SLC16A1: variants seen among roughly 807,000 people sequenced by gnomAD.
SLC16A1 encodes monocarboxylate transporter 1.
A neutral mutation model predicts 32.2 loss-of-function variants in SLC16A1; 11 were observed. The observed-to-expected ratio is 0.34, with a 90% confidence interval of 0.21 to 0.56. The LOEUF (loss-of-function observed/expected upper bound fraction) is 0.56. Among genes scored for constraint, SLC16A1 ranks in the 20% least tolerant of loss-of-function variants. The probability of loss-of-function intolerance (pLI) is 0.87; values close to 1 mark genes in which losing one functional copy is unlikely to be tolerated. For missense variants in SLC16A1, 435 were observed against 615.0 expected, an observed-to-expected ratio of 0.71 and a Z score of 3.10; for synonymous variants, 231 against 226.8, an observed-to-expected ratio of 1.02 and a Z score of -0.17.
At chr1:112,952,577 T>TTTCTCA (rs1649933286) in intron 1 of SLC16A1, among the ~76,000 whole-genome samples, 1 of 152,234 alleles carries the variant, frequency 6.6e-6, no homozygotes, top group Non-Finnish European at 1.5e-5. Flanking sequence ...TCTCGAGAGT[T>TTTCTCA]ATCTTTCAGA....
At chr1:112,922,842 C>G (rs147174380) in intron 2 of SLC16A1, among the ~76,000 whole-genome samples, 1 of 152,174 alleles carries the variant, frequency 6.6e-6, no homozygotes, top group African/African-American at 2.4e-5. Flanking sequence ...TTCAGACACA[C>G]GCAGTGATAG....
chr1:112,918,191 A>C, intron 3 of SLC16A1, 147 bp from the exon 4 acceptor site: 1 of 565,076 alleles, frequency 1.8e-6, no homozygotes, highest in Non-Finnish European at 2.4e-6. Context: ...TGACTTCTAA[A>C]ACAGACATGG....
chr1:112,946,903 A>C (rs939109846), intron 1 of SLC16A1, among the ~76,000 whole-genome samples: 2 of 152,158 alleles, frequency 1.3e-5, no homozygotes, highest in African/African-American at 4.8e-5. Flanking sequence ...AGCTATTATT[A>C]CACCAGCAAA....
intron 1 of SLC16A1, among the ~76,000 whole-genome samples, chr1:112,936,374 G>A (rs551286118): frequency 4.0e-5 from 6 of 151,372 alleles, no homozygotes; most frequent in East Asian, 1.9e-4. Context: ...TGGGCATGGC[G>A]GCAGGCACCT....
chr1:112,921,049 G>C (rs543685422), intron 3 of SLC16A1, among the ~76,000 whole-genome samples: 1 of 151,840 alleles, frequency 6.6e-6, no homozygotes, highest in African/African-American at 2.4e-5. Context: ...GCTGAGGCAG[G>C]AGAATGACGT....
intron 1 of SLC16A1, 39 bp downstream of exon 1, chr1:112,955,996 G>A (rs906631837): frequency 2.6e-5 from 4 of 152,206 alleles, no homozygotes; most frequent in African/African-American, 9.6e-5. Context: ...GGGCACCGTG[G>A]GGTCCGCGCC....
chr1:112,951,492 C>A (rs1557858011), intron 1 of SLC16A1, among the ~76,000 whole-genome samples: 1 of 152,122 alleles, frequency 6.6e-6, no homozygotes, highest in Non-Finnish European at 1.5e-5. Flanking sequence ...AAAAGCAGAT[C>A]ATCAATAAGA....
chr1:112,927,651 AGG>A (rs779712537), intron 2 of SLC16A1, among the ~76,000 whole-genome samples: 2 of 152,228 alleles, frequency 1.3e-5, no homozygotes, highest in Non-Finnish European at 2.9e-5. Flanking sequence ...AAAAATAGAA[AGG>A]GGTACGGTTT....
intron 2 of SLC16A1, among the ~76,000 whole-genome samples, chr1:112,925,391 TA>T: frequency 6.6e-6 from 1 of 150,620 alleles, no homozygotes; most frequent in African/African-American, 2.5e-5. Flanking sequence ...CTTTTTTTTT[TA>T]AATTTGAGAC....
In SLC16A1 at chr1:112,929,207, A is replaced by G. The variant is rs755851662; in HGVS notation, c.102T>C (p.Tyr34=). The change falls in exon 2 of 5, where the codon TAT becomes TAC. Residue 34 remains tyrosine, a synonymous_variant. Transcript: ENST00000369626. ...AGACAGTAATTGATTTGGGAAATGCATAAGAGAAGCCGATGGAAATGAAAG... is the reference window on the plus strand; with the variant it reads ...AGACAGTAATTGATTTGGGAAATGCGTAAGAGAAGCCGATGGAAATGAAAG... ...IGAFISIGFS[Y]AFPKSITVFF... The G allele has an allele frequency of 3.7e-5, 60 of 1,614,030 alleles. No individual in the cohort carries two copies. Among genetic ancestry groups the G allele is most frequent in the South Asian group, 3.2e-4 (29 of 91,078 alleles).
Position 112,933,367 on chromosome 1 carries a change from G to C in SLC16A1, c.-44-4015C>G, listed in dbSNP as rs549978966. ...CTCGGGAGGCTGAGGCAAGAGAATCGCTCGCTTGAACCCGGGAGGCGGAGG... is the reference window on the plus strand; with the variant it reads ...CTCGGGAGGCTGAGGCAAGAGAATCCCTCGCTTGAACCCGGGAGGCGGAGG... On this transcript the variant is annotated intron_variant, in intron 1 of 4. Coordinates refer to ENST00000369626, the MANE Select transcript of SLC16A1 (RefSeq NM_003051.4). 1.3e-4 allele frequency among the ~76,000 whole-genome samples: 20 copies of C among 150,434 alleles called. No individual in the cohort carries two copies. The South Asian group carries it at 4.2e-3, about 32-fold the overall frequency.
At chr1:112,933,059 T>C (rs962012142) in intron 1 of SLC16A1, among the ~76,000 whole-genome samples, 18 of 152,174 alleles carry the variant, frequency 1.2e-4, no homozygotes, top group Non-Finnish European at 2.4e-4. Context: ...ATGTATGAGA[T>C]ATGTACACTG....
chr1:112,919,099 C>T (rs1488462727), intron 3 of SLC16A1, among the ~76,000 whole-genome samples: 2 of 151,714 alleles, frequency 1.3e-5, no homozygotes, highest in African/African-American at 4.8e-5. Context: ...GGCGCGATCT[C>T]GGCTCACTGC....
intron 1 of SLC16A1, among the ~76,000 whole-genome samples, chr1:112,953,285 C>T (rs1380294234): frequency 1.3e-5 from 2 of 151,904 alleles, no homozygotes; most frequent in African/African-American, 2.4e-5. Context: ...TATCAGCCTC[C>T]CAAGTAGCTG....
intron 2 of SLC16A1, chr1:112,923,317 A>G (rs114230280): frequency 0.039 from 16,677 of 427,066 alleles, 412 homozygotes; most frequent in Middle Eastern, 0.052. Flanking sequence ...TCAAAAACAA[A>G]CAAACAGCAA....
At chr1:112,953,649 C>T (rs1431488059) in intron 1 of SLC16A1, among the ~76,000 whole-genome samples, 1 of 152,156 alleles carries the variant, frequency 6.6e-6, no homozygotes, top group African/African-American at 2.4e-5. Context: ...TTCTCTTTGA[C>T]TTTTTTATGC....
intron 1 of SLC16A1, among the ~76,000 whole-genome samples, chr1:112,953,961 T>C (rs1038200944): frequency 1.3e-5 from 2 of 152,240 alleles, no homozygotes; most frequent in Non-Finnish European, 2.9e-5. Context: ...GGCAATTATA[T>C]ATTTATCTGT....
intron 1 of SLC16A1, among the ~76,000 whole-genome samples, chr1:112,933,954 C>G (rs1378592531): frequency 1.3e-5 from 2 of 152,024 alleles, no homozygotes; most frequent in African/African-American, 2.4e-5. Flanking sequence ...CAATGTCCAT[C>G]AACAAATGAA....
In SLC16A1 at chr1:112,917,944, G is replaced by A. The variant is rs1194711810; in HGVS notation, c.462C>T (p.Ser154=). Residue 154 remains serine (S), a synonymous_variant, in exon 4 of 5, where the codon AGC becomes AGT. Coordinates refer to ENST00000369626, the MANE Select transcript of SLC16A1 (RefSeq NM_003051.4). This position sits in a 1 kb window ranked among gnomAD's most constrained non-coding sequence, Gnocchi z 4.1. ...GGGCCAGAGTACAGAGGAACACAGG[G>A]CTGCCTGCCATGGCCAGTCCGTTGG... ...PLANGLAMAG[S]PVFLCTLAPL... 1.3e-6 allele frequency: 2 copies of A among 1,593,732 alleles called. No individual in the cohort carries two copies. Among genetic ancestry groups the A allele is most frequent in the Admixed American group, 3.7e-5 (2 of 54,130 alleles).
Sources: allele counts gnomAD v4.1 joint callset (sites outside exome capture counted in the v4.1 genomes callset), GRCh38; gene constraint gnomAD v4.1.1; non-coding constraint Gnocchi (gnomAD v3.1); transcripts MANE v1.5; gene names NCBI Gene and HGNC (gene_info 2026-07-23, HGNC 2026-07-21).